The following MBOAT1 variants were observed in gnomAD, a reference collection of about 807,000 sequenced individuals.
MBOAT1 encodes membrane-bound glycerophospholipid O-acyltransferase 1.
MBOAT1 carries 67 observed loss-of-function variants against 64.4 expected under a neutral mutation model. The ratio of observed to expected loss-of-function variants is 1.04; its 90% CI spans 0.85 to 1.27. The LOEUF is 1.27. Among genes scored for constraint, MBOAT1 ranks in the 50% most tolerant of loss-of-function variants. The pLI is 0.00. For synonymous variants in MBOAT1, 229 were observed against 218.9 expected (o/e 1.05, Z -0.41); for missense variants, 563 against 604.6 (o/e 0.93, Z 0.72).
chr6:20,204,112 CT>C (rs1187515052), intron 1 of MBOAT1, among the ~76,000 whole-genome samples: 3 of 152,152 alleles, frequency 2.0e-5, no homozygotes, highest in African/African-American at 7.2e-5. Context: ...AAGAATGAGA[CT>C]CTCTTCTCTT....
At chr6:20,154,915 A>C (rs1420128903) in intron 1 of MBOAT1, among the ~76,000 whole-genome samples, 2 of 152,206 alleles carry the variant, frequency 1.3e-5, no homozygotes, top group Non-Finnish European at 2.9e-5. Flanking sequence ...TGTGACACTG[A>C]AGATCTATAA....
At chr6:20,157,659 T>C (rs1170064592) in intron 1 of MBOAT1, among the ~76,000 whole-genome samples, 1 of 151,994 alleles carries the variant, frequency 6.6e-6, no homozygotes, top group Non-Finnish European at 1.5e-5. Context: ...ACTTACTCTA[T>C]CCTCAGTGTT....
chr6:20,128,591 A>C lies in MBOAT1; in HGVS notation c.530+108T>G, dbSNP rs535045724. On this transcript the variant is annotated intron_variant, in intron 6 of 12. Coordinates refer to ENST00000324607, the MANE Select transcript of MBOAT1 (RefSeq NM_001080480.3). Reference sequence around the variant, plus strand: ...CAATAGCAGATTCATAAAATAAATGATATTATATCCATAGAACAGAATTAA... The same window carrying C: ...CAATAGCAGATTCATAAAATAAATGCTATTATATCCATAGAACAGAATTAA... 2.4e-5 allele frequency: 18 copies of C among 761,914 alleles called. No homozygotes were observed. In the Admixed American group the frequency reaches 3.4e-4, roughly 14 times the overall value. The allele number at this position is 761,914 out of a possible 1,614,324, so 47.2% of individuals were successfully genotyped here. A position where few individuals can be genotyped will look rare whatever the true frequency, so the allele number is the denominator to read the frequency against.
At chr6:20,125,987 G>A (rs1297392007) in intron 7 of MBOAT1, 4 of 305,994 alleles carry the variant, frequency 1.3e-5, no homozygotes, top group African/African-American at 9.1e-5. Context: ...ACTAATTAGA[G>A]ATTGATAAAA....
rs1475348533 is a variant in MBOAT1 at position 20,099,929 on chromosome 6, A to G, written c.*2357T>C. ...GTCTCCTATGTGTTGTTCTTTTTAT[A>G]CAGAATAAAGCCTCATGTTTGTGTC... On this transcript the variant is annotated 3_prime_UTR_variant, in exon 13 of 13. Transcript: ENST00000324607. 6.6e-6 allele frequency among the ~76,000 whole-genome samples: 1 copy of G among 152,202 alleles called. No homozygotes were observed. The highest frequency in any genetic ancestry group is 1.9e-4 in the East Asian group (1 of 5,194).
At chr6:20,129,579 G>C (rs968086638) in intron 5 of MBOAT1, among the ~76,000 whole-genome samples, 1 of 149,840 alleles carries the variant, frequency 6.7e-6, no homozygotes, top group Non-Finnish European at 1.5e-5. Flanking sequence ...AAAAAGGCGA[G>C]TAAACATTTT....
intron 1 of MBOAT1, among the ~76,000 whole-genome samples, chr6:20,178,518 C>A (rs779446523): frequency 6.6e-6 from 1 of 152,188 alleles, no homozygotes; most frequent in Non-Finnish European, 1.5e-5. Context: ...CTTTAGAGCA[C>A]AGGATAAGGT....
chr6:20,107,434 C>T (rs1335221293), intron 12 of MBOAT1, among the ~76,000 whole-genome samples: 1 of 152,236 alleles, frequency 6.6e-6, no homozygotes, highest in Non-Finnish European at 1.5e-5. Flanking sequence ...ACTCCCACTG[C>T]ACAACCTCCA....
chr6:20,167,249 T>C (rs1762041069), intron 1 of MBOAT1, among the ~76,000 whole-genome samples: 1 of 152,232 alleles, frequency 6.6e-6, no homozygotes, highest in African/African-American at 2.4e-5. Flanking sequence ...TATCTTCATG[T>C]ACTGGTAAAT....
chr6:20,169,650 C>T (rs943571), intron 1 of MBOAT1, among the ~76,000 whole-genome samples: 73,963 of 151,500 alleles, frequency 0.49, 19,384 homozygotes, highest in African/African-American at 0.69. Flanking sequence ...AACCTTATCC[C>T]ACCCAACAGC....
At chr6:20,113,781 T>C (rs1267529675) in intron 10 of MBOAT1, among the ~76,000 whole-genome samples, 1 of 150,878 alleles carries the variant, frequency 6.6e-6, no homozygotes, top group East Asian at 1.9e-4. Context: ...GTTTACTAAA[T>C]GAGAGGTCAA....
chr6:20,205,097 G>T (rs971348013), intron 1 of MBOAT1, among the ~76,000 whole-genome samples: 3 of 152,142 alleles, frequency 2.0e-5, no homozygotes. Context: ...TACTTGGGAA[G>T]CTGAGGCAGG....
chr6:20,151,326 C>T, intron 2 of MBOAT1, 64 bp from the exon 3 acceptor site: 1 of 1,184,858 alleles, frequency 8.4e-7, no homozygotes, highest in African/African-American at 1.5e-5. Flanking sequence ...AGCTATTGGT[C>T]ACCAAAACTG....
rs1195853530 is a variant in MBOAT1 at position 20,101,799 on chromosome 6, T to A, written c.*487A>T. On this transcript the variant is annotated 3_prime_UTR_variant, in exon 13 of 13. Transcript: ENST00000324607. ...AACCAATAACCTGGACATGGCCGAT[T>A]AATCTGTACAAAAAGGCTTTATAAA... 6.6e-6 allele frequency among the ~76,000 whole-genome samples: 1 copy of A among 152,126 alleles called. No homozygotes were observed.
In MBOAT1 at chr6:20,124,559, G is replaced by A. The variant is rs147049906; in HGVS notation, c.756C>T (p.Leu252=). ...TCTTCGTTAGCGTCAAAAACAAAAG[G>A]AGAGACACCAAGGTGATGCCCAACT... ...IHKLGITLVS[L]LLFLTLTKTF... The change falls in exon 8 of 13, where the codon CTC becomes CTT. Residue 252 remains leucine (L), a synonymous_variant. Coordinates refer to ENST00000324607, the MANE Select transcript of MBOAT1 (RefSeq NM_001080480.3). 66 of 1,614,210 alleles carry A rather than the reference G, an allele frequency of 4.1e-5. No individual in the cohort carries two copies. The highest frequency in any genetic ancestry group is 5.1e-5 in the Non-Finnish European group (60 of 1,180,038).
At chr6:20,162,268 G>A (rs984139399) in intron 1 of MBOAT1, among the ~76,000 whole-genome samples, 2 of 152,092 alleles carry the variant, frequency 1.3e-5, no homozygotes, top group Non-Finnish European at 2.9e-5. Flanking sequence ...TCAAACCCAC[G>A]GAATGAAACA....
At position 20,193,853 on chromosome 6, in the gene MBOAT1, C is replaced by A. The variant is rs954967854; in HGVS notation, c.99+18283G>T. On this transcript the variant is annotated intron_variant, in intron 1 of 12. Transcript: ENST00000324607. ...ATCTCTTGACCTCATGATCTGCCCA[C>A]CTCAGCCTCCCAAAGTGCTGTGATT... Among the ~76,000 whole-genome samples, 5 of 152,258 alleles carry A rather than the reference C, an allele frequency of 3.3e-5. No individual in the cohort carries two copies. The East Asian group carries it at 9.7e-4, about 29-fold the overall frequency.
At position 20,118,617 on chromosome 6, in the gene MBOAT1, T is replaced by C. The variant is rs1013816371; in HGVS notation, c.908-77A>G. The C allele has an allele frequency of 1.3e-5, 15 of 1,173,204 alleles. No homozygotes were observed. The African/African-American group carries it at 1.5e-4, about 12-fold the overall frequency. The allele number at this position is 1,173,204 out of a possible 1,614,324, so 72.7% of individuals were successfully genotyped here. ...GCTTTTAAAAGACACTAAATATCTG[T>C]CTAGCTTCAAGATGGAGAAATATGC... is the stretch of plus-strand genomic sequence containing the variant. On this transcript the variant is annotated intron_variant, in intron 8 of 12. Transcript: ENST00000324607.
chr6:20,117,112 C>G (rs1253669750), intron 9 of MBOAT1, among the ~76,000 whole-genome samples: 1 of 152,196 alleles, frequency 6.6e-6, no homozygotes, highest in Non-Finnish European at 1.5e-5. Context: ...TGACCGGGGA[C>G]TGCTTCTTGC....
Sources: allele counts gnomAD v4.1 joint callset (sites outside exome capture counted in the v4.1 genomes callset), GRCh38; gene constraint gnomAD v4.1.1; transcripts MANE v1.5; gene names NCBI Gene and HGNC (gene_info 2026-07-23, HGNC 2026-07-21).